CTPS2: variants seen among roughly 807,000 people sequenced by gnomAD.
CTPS2 encodes the protein CTP synthase II.
A neutral mutation model predicts 46.8 loss-of-function variants in CTPS2; 19 were observed. That is an observed-to-expected ratio of 0.41 (90% CI 0.28 to 0.60). CTPS2 has a LOEUF of 0.60. Ranked by LOEUF, CTPS2 falls within the 20% of genes least tolerant of loss-of-function variation. The pLI is 0.35. For synonymous variants in CTPS2, 151 were observed against 165.2 expected (o/e 0.91, Z 0.66); for missense variants, 286 against 447.6 (o/e 0.64, Z 3.26).
At chrX:16,604,613 G>A (rs1275569154) in intron 17 of CTPS2, among the ~76,000 whole-genome samples, 2 of 108,968 alleles carry the variant, frequency 1.8e-5, no homozygotes, top group South Asian at 4.0e-4. Flanking sequence ...GATTGCTTGC[G>A]CCCAGGAGCT....
In CTPS2 at chrX:16,655,709, A is replaced by AGGAGG. The variant is rs1399219798; in HGVS notation, c.1296+11804_1296+11805insCCTCC. Among the ~76,000 whole-genome samples, 37 of 111,925 alleles carry AGGAGG rather than the reference A, an allele frequency of 3.3e-4. 2 individuals are homozygous for AGGAGG. The highest frequency in any genetic ancestry group is 8.5e-4 in the Admixed American group (9 of 10,558). On this transcript the variant is annotated intron_variant, in intron 13 of 18. Coordinates refer to ENST00000359276, the MANE Select transcript of CTPS2 (RefSeq NM_175859.3). The stretch of plus-strand genomic sequence containing the variant: ...TTATCCTCGCAACTCTCCTCCGCAA[A>AGGAGG]ACACCCATGAAGTATCAAAGTATCA...
intron 7 of CTPS2, 73 bp from the exon 8 acceptor site, chrX:16,689,674 T>C (rs1602269930): frequency 6.1e-6 from 6 of 985,849 alleles, no homozygotes; most frequent in Non-Finnish European, 8.4e-6. Flanking sequence ...TGAAACAAAA[T>C]TCAGCAGAGA....
chrX:16,668,629 G>C (rs1475065029), intron 11 of CTPS2, among the ~76,000 whole-genome samples: 1 of 95,705 alleles, frequency 1.0e-5, no homozygotes, highest in African/African-American at 4.1e-5. Flanking sequence ...AGGGAAGGAA[G>C]GAAGAAGGGA....
intron 17 of CTPS2, among the ~76,000 whole-genome samples, chrX:16,593,302 G>A (rs2058638368): frequency 3.7e-5 from 4 of 108,879 alleles, no homozygotes; most frequent in African/African-American, 6.7e-5. Flanking sequence ...GGTGGCGGGC[G>A]CCTGTAGTCC....
intron 16 of CTPS2, among the ~76,000 whole-genome samples, chrX:16,609,966 G>T (rs1930182705): frequency 8.9e-6 from 1 of 111,992 alleles, no homozygotes; most frequent in African/African-American, 3.2e-5. Context: ...AAATCTGCCT[G>T]CTTTTTGAAG....
chrX:16,693,059 A>T, intron 6 of CTPS2, 82 bp downstream of exon 6: 1 of 705,091 alleles, frequency 1.4e-6, no homozygotes, highest in Non-Finnish European at 2.2e-6. Flanking sequence ...TCCGTCTCAA[A>T]TTAAAAAAAA....
At chrX:16,694,908 T>A (rs1403068501) in intron 4 of CTPS2, among the ~76,000 whole-genome samples, 1 of 111,247 alleles carries the variant, frequency 9.0e-6, no homozygotes, top group African/African-American at 3.3e-5. Flanking sequence ...GGTGGGAGGA[T>A]CGCTTGAGCC....
chrX:16,667,565 T>C lies in CTPS2; in HGVS notation c.1253-8A>G. On this transcript the variant is annotated splice_region_variant and splice_polypyrimidine_tract_variant and intron_variant, in intron 12 of 18. Coordinates refer to ENST00000359276, the MANE Select transcript of CTPS2 (RefSeq NM_175859.3). Reference sequence around the variant, plus strand: ...ACTCTGTGGAATCAGCATCTGAAGATTAAGAAAAGAGTTCAGTAATTCACC... The same window carrying C: ...ACTCTGTGGAATCAGCATCTGAAGACTAAGAAAAGAGTTCAGTAATTCACC... 1 of 1,209,865 alleles carries C rather than the reference T, an allele frequency of 8.3e-7. No homozygotes were observed. The highest frequency in any genetic ancestry group is 1.1e-6 in the Non-Finnish European group (1 of 893,964).
rs1400957713 is a variant in CTPS2 at position 16,667,750 on chromosome X, G to A, written c.1190-26C>T. ...CTATTTTAAAAAGCACATATGCAAA[G>A]CAAATGAACTCACTTTGTATTTGTT... On this transcript the variant is annotated intron_variant, in intron 11 of 18. Coordinates refer to ENST00000359276, the MANE Select transcript of CTPS2 (RefSeq NM_175859.3). 2.6e-6 allele frequency: 3 copies of A among 1,156,217 alleles called. No individual in the cohort carries two copies. The Admixed American group carries it at 6.7e-5, about 26-fold the overall frequency.
At chrX:16,706,868 A>AAAAC (rs1272491664) in intron 1 of CTPS2, among the ~76,000 whole-genome samples, 2 of 107,717 alleles carry the variant, frequency 1.9e-5, no homozygotes, top group African/African-American at 3.4e-5. Context: ...TCTCAAAAAA[A>AAAAC]AAACAAACAA....
At chrX:16,596,188 GTT>G (rs113800057) in intron 17 of CTPS2, among the ~76,000 whole-genome samples, 1 of 104,036 alleles carries the variant, frequency 9.6e-6, no homozygotes, top group East Asian at 3.0e-4. Context: ...GTTTTTTTTT[GTT>G]TTTTTTTTTA....
At chrX:16,663,171 A>G (rs777451116) in intron 13 of CTPS2, among the ~76,000 whole-genome samples, 2 of 111,724 alleles carry the variant, frequency 1.8e-5, no homozygotes, top group African/African-American at 6.5e-5. Flanking sequence ...GTTTTGAGAC[A>G]GGGTCTCGCT....
intron 13 of CTPS2, among the ~76,000 whole-genome samples, chrX:16,659,014 G>A (rs1185947340): frequency 1.8e-5 from 2 of 111,739 alleles, no homozygotes; most frequent in African/African-American, 6.5e-5. Context: ...CTGTTAAATT[G>A]GATGTTCGAA....
At chrX:16,681,181 C>T (rs536676997) in intron 9 of CTPS2, among the ~76,000 whole-genome samples, 52 of 111,039 alleles carry the variant, frequency 4.7e-4, no homozygotes, top group Non-Finnish European at 7.9e-4. Context: ...AGCAAAACTC[C>T]ATCTAAAAAG....
chrX:16,652,653 G>C (rs933447215), intron 13 of CTPS2, among the ~76,000 whole-genome samples: 8 of 111,958 alleles, frequency 7.1e-5, no homozygotes, highest in African/African-American at 2.6e-4. Context: ...TGTTTCAAAA[G>C]GTAACACGGG....
rs374569479 is a variant in CTPS2 at position 16,609,542 on chromosome X, T to C, written c.1690A>G (p.Ser564Gly). 42 of 1,209,367 alleles carry C rather than the reference T, an allele frequency of 3.5e-5. No individual in the cohort carries two copies. The highest frequency in any genetic ancestry group is 4.6e-5 in the Non-Finnish European group (41 of 894,695). ...YLQQGCKLSS[S>G]DRYSDASDDS... ...TGCTAAGAGCAGTAAGCTGGTTACC[T>C]GGAAGACAGTTTGCAACCCTGTTGC... The change falls in exon 17 of 19, where the codon AGT becomes GGT. Residue 564 changes from serine (S) to glycine (G), a missense_variant and splice_region_variant. Transcript: ENST00000359276.
At chrX:16,602,561 G>T (rs776258363) in intron 17 of CTPS2, among the ~76,000 whole-genome samples, 1 of 111,765 alleles carries the variant, frequency 8.9e-6, no homozygotes, top group East Asian at 2.8e-4. Flanking sequence ...TTTAACATAG[G>T]GGGTGTGTTG....
At chrX:16,607,861 A>C (rs938865229) in intron 17 of CTPS2, among the ~76,000 whole-genome samples, 2 of 113,089 alleles carry the variant, frequency 1.8e-5, no homozygotes, top group Admixed American at 9.3e-5. Context: ...ATTAGGTACG[A>C]TATCCTTGGA....
chrX:16,606,731 GCAAT>G (rs1400658109), intron 17 of CTPS2, among the ~76,000 whole-genome samples: 1 of 110,644 alleles, frequency 9.0e-6, no homozygotes, highest in Non-Finnish European at 1.9e-5. Flanking sequence ...GGAGTCACTA[GCAAT>G]CAGTCAGTTT....
Sources: allele counts gnomAD v4.1 joint callset (sites outside exome capture counted in the v4.1 genomes callset), GRCh38; gene constraint gnomAD v4.1.1; transcripts MANE v1.5; gene names NCBI Gene and HGNC (gene_info 2026-07-23, HGNC 2026-07-21).